Variants in RNMT observed in about 807,000 individuals in gnomAD.
The protein encoded by RNMT is RNA guanine-7 methyltransferase, also known as mRNA cap guanine-N(7) methyltransferase.
In RNMT, 27 loss-of-function variants were observed where a neutral mutation model predicts 56.0. The ratio of observed to expected loss-of-function variants is 0.48; its 90% confidence interval spans 0.36 to 0.67. The LOEUF is 0.67. RNMT is among the 30% of genes least tolerant of loss of function. RNMT has a pLI of 0.00. For missense variants in RNMT, 519 were observed against 552.1 expected (o/e 0.94, Z 0.60); for synonymous variants, 184 against 176.2 (o/e 1.04, Z -0.35).
chr18:13,740,332 ATAAT>A, intron 6 of RNMT, 53 bp downstream of exon 6: 1 of 989,246 alleles, frequency 1.0e-6, no homozygotes, highest in South Asian at 1.5e-5. Flanking sequence ...GTTTGGGTAA[ATAAT>A]TTGTTTTAAA....
intron 9 of RNMT, among the ~76,000 whole-genome samples, chr18:13,746,873 A>G (rs2044360617): frequency 6.6e-6 from 1 of 152,214 alleles, no homozygotes; most frequent in Non-Finnish European, 1.5e-5. Flanking sequence ...ACATAATTTT[A>G]TTGCATGGTA....
chr18:13,758,043 T>C (rs1314207646), intron 11 of RNMT, among the ~76,000 whole-genome samples: 1 of 152,208 alleles, frequency 6.6e-6, no homozygotes, highest in East Asian at 1.9e-4. Context: ...AAGAATTTTA[T>C]TTTTCTGAGC....
chr18:13,749,506 A>T (rs1322000004), intron 9 of RNMT, among the ~76,000 whole-genome samples: 1 of 152,224 alleles, frequency 6.6e-6, no homozygotes, highest in East Asian at 1.9e-4. Flanking sequence ...GACAAAGAAG[A>T]TTGCAAAGCA....
intron 9 of RNMT, among the ~76,000 whole-genome samples, chr18:13,748,866 G>A (rs1304487141): frequency 6.6e-6 from 1 of 152,154 alleles, no homozygotes; most frequent in Non-Finnish European, 1.5e-5. Flanking sequence ...GATAACCTGA[G>A]GTCAGGAGTT....
At chr18:13,753,844 C>T (rs1479945436) in intron 10 of RNMT, among the ~76,000 whole-genome samples, 1 of 150,924 alleles carries the variant, frequency 6.6e-6, no homozygotes, top group Non-Finnish European at 1.5e-5. Flanking sequence ...CACACACACA[C>T]ACACACAATG....
intron 4 of RNMT, among the ~76,000 whole-genome samples, chr18:13,736,438 T>A (rs939399955): frequency 2.0e-5 from 3 of 152,270 alleles, no homozygotes; most frequent in Non-Finnish European, 4.4e-5. Flanking sequence ...GTTAATGTCA[T>A]TTAGTAGACT....
intron 11 of RNMT, among the ~76,000 whole-genome samples, chr18:13,759,211 C>G (rs1414015741): frequency 6.6e-6 from 1 of 152,186 alleles, no homozygotes; most frequent in East Asian, 1.9e-4. Flanking sequence ...AGTAGACTTG[C>G]TTGATATGGT....
At chr18:13,736,707 GTTGTC>G (rs995185042) in intron 4 of RNMT, among the ~76,000 whole-genome samples, 2 of 151,866 alleles carry the variant, frequency 1.3e-5, no homozygotes, top group African/African-American at 4.8e-5. Context: ...CAAGTGTTGT[GTTGTC>G]TTATATTAGA....
Position 13,760,004 on chromosome 18 carries a change from G to A in RNMT, c.*25G>A, listed in dbSNP as rs1340398535. 6.2e-7 allele frequency: 1 copy of A among 1,612,002 alleles called. No homozygotes were observed. The highest frequency in any genetic ancestry group is 1.7e-5 in the Admixed American group (1 of 59,838). ...AGCACATAGGCAGTAGTCCCAGAGG[G>A]GCCGTGTTCTGTCCTGCACAAATTT... On this transcript the variant is annotated 3_prime_UTR_variant, in exon 12 of 12. Transcript: ENST00000383314.
rs983509441 is a variant in RNMT at position 13,731,847 on chromosome 18, G to A, written c.330G>A (p.Glu110=). The A allele has an allele frequency of 6.2e-7, 1 of 1,612,998 alleles. No homozygotes were observed. The highest frequency in any genetic ancestry group is 1.3e-5 in the African/African-American group (1 of 74,842). The stretch of plus-strand genomic sequence containing the variant: ...CAAAGAAAAGAAAAAGAGAAACTGA[G>A]GATGTTCCAAAAGATAAATCTTCTA... ...GNSKKRKRET[E]DVPKDKSSTG... is the part of the protein sequence containing the mutation. Residue 110 remains glutamate, a synonymous_variant, in exon 3 of 12, where the codon GAG becomes GAA. Transcript: ENST00000383314.
intron 5 of RNMT, among the ~76,000 whole-genome samples, chr18:13,739,782 T>A (rs1311995488): frequency 6.6e-6 from 1 of 152,028 alleles, no homozygotes; most frequent in African/African-American, 2.4e-5. Context: ...CAAGACTCTG[T>A]CTCAAAAAAG....
At chr18:13,744,476 G>A (rs184640914) in intron 8 of RNMT, among the ~76,000 whole-genome samples, 1 of 150,400 alleles carries the variant, frequency 6.6e-6, no homozygotes, top group African/African-American at 2.4e-5. Flanking sequence ...TGAACTGCCT[G>A]GAATAAAAAA....
intron 8 of RNMT, 62 bp downstream of exon 8, chr18:13,742,714 A>G: frequency 7.9e-7 from 1 of 1,270,414 alleles, no homozygotes; most frequent in Non-Finnish European, 1.1e-6. Context: ...AAAGCGGGGA[A>G]AAGCAATATT....
intron 5 of RNMT, among the ~76,000 whole-genome samples, chr18:13,737,537 C>T (rs1003870039): frequency 4.0e-5 from 6 of 150,680 alleles, no homozygotes; most frequent in Non-Finnish European, 7.4e-5. Context: ...AGCAAGACTC[C>T]GTCTCGAAAA....
At chr18:13,733,566 T>G (rs769300487) in intron 3 of RNMT, among the ~76,000 whole-genome samples, 1 of 152,092 alleles carries the variant, frequency 6.6e-6, no homozygotes, top group African/African-American at 2.4e-5. Flanking sequence ...TTAGTAGAGA[T>G]AGGGTTTCAC....
chr18:13,752,320 C>G lies in RNMT; in HGVS notation c.1258-6C>G, dbSNP rs766496136. 1.3e-6 allele frequency: 2 copies of G among 1,586,370 alleles called. No individual in the cohort carries two copies. The highest frequency in any genetic ancestry group is 2.2e-5 in the South Asian group (2 of 90,156). On this transcript the variant is annotated splice_polypyrimidine_tract_variant and splice_region_variant and intron_variant, in intron 9 of 11. Transcript: ENST00000383314. ...TTGTAACTAGGACTTTCATTTCTTT[C>G]CCCAGCCATATCCTGCAAATGAGAG...
chr18:13,745,153 G>T (rs953205680), intron 8 of RNMT, among the ~76,000 whole-genome samples: 3 of 152,224 alleles, frequency 2.0e-5, no homozygotes, highest in Admixed American at 1.3e-4. Context: ...AAATGAGGCA[G>T]CATTCCTTTA....
At chr18:13,742,218 GT>G (rs1355066441) in intron 7 of RNMT, among the ~76,000 whole-genome samples, 1 of 151,948 alleles carries the variant, frequency 6.6e-6, no homozygotes, top group African/African-American at 2.4e-5. Context: ...CGCCCCTGTA[GT>G]CCTTGCTCAG....
At chr18:13,749,463 T>C (rs1047332442) in intron 9 of RNMT, among the ~76,000 whole-genome samples, 18 of 152,212 alleles carry the variant, frequency 1.2e-4, no homozygotes, top group African/African-American at 4.1e-4. Context: ...TTCTAATGCC[T>C]AAACTTGCTG....
Sources: gnomAD v4.1 joint callset for allele counts (sites outside exome capture counted in the v4.1 genomes callset) on GRCh38, gnomAD v4.1.1 for gene constraint, MANE v1.5 for transcripts, NCBI Gene and HGNC (gene_info 2026-07-23, HGNC 2026-07-21) for gene names.